The following GGNBP2 variants were observed in gnomAD, a reference collection of about 807,000 sequenced individuals.
GGNBP2 encodes gametogenetin-binding protein 2.
A neutral mutation model predicts 85.9 loss-of-function variants in GGNBP2; 10 were observed. The ratio of observed to expected loss-of-function variants is 0.12; its 90% CI spans 0.07 to 0.20. The LOEUF (loss-of-function observed/expected upper bound fraction) is 0.20, where lower values mean the gene tolerates loss of function less well. GGNBP2 is among the 10% of genes least tolerant of loss of function. GGNBP2 has a pLI of 1.00. For missense variants in GGNBP2, 595 were observed against 857.8 expected (o/e 0.69, Z 3.83); for synonymous variants, 287 against 285.7 (o/e 1.00, Z -0.05).
At chr17:36,581,845 G>T (rs542414716) in intron 9 of GGNBP2, 6 of 194,044 alleles carry the variant, frequency 3.1e-5, no homozygotes, top group African/African-American at 1.4e-4. Context: ...ATGTAAAATG[G>T]TGTAATATTT....
intron 2 of GGNBP2, 177 bp downstream of exon 2, chr17:36,545,994 C>G (rs2074250483): frequency 3.6e-6 from 2 of 550,524 alleles, no homozygotes; most frequent in Non-Finnish European, 6.6e-6. Context: ...TCGGTAACCT[C>G]TGTCGGCCCC....
intron 5 of GGNBP2, among the ~76,000 whole-genome samples, chr17:36,561,954 A>G (rs2074421426): frequency 6.6e-6 from 1 of 152,044 alleles, no homozygotes; most frequent in South Asian, 2.1e-4. Flanking sequence ...ATTGCCTGAT[A>G]ATAATTTGTA....
intron 8 of GGNBP2, among the ~76,000 whole-genome samples, chr17:36,580,073 G>T (rs1323888407): frequency 6.6e-6 from 1 of 151,994 alleles, no homozygotes; most frequent in African/African-American, 2.4e-5. Flanking sequence ...AAAGTTAAAT[G>T]CCCCCAAGGA....
chr17:36,571,279 T>C (rs1555606774), intron 6 of GGNBP2, among the ~76,000 whole-genome samples: 2 of 152,002 alleles, frequency 1.3e-5, no homozygotes, highest in Admixed American at 6.6e-5. Flanking sequence ...AGGCTGAGTG[T>C]GGTGGCTCAC....
At chr17:36,587,337 T>C (rs756432502) in intron 13 of GGNBP2, 92 bp downstream of exon 13, 123 of 1,301,404 alleles carry the variant, frequency 9.5e-5, no homozygotes, top group Non-Finnish European at 1.3e-4. Flanking sequence ...AGGTAGGTAG[T>C]TGAAGGAAGC....
chr17:36,563,110 AC>A (rs1440680369), intron 5 of GGNBP2, among the ~76,000 whole-genome samples: 2 of 151,804 alleles, frequency 1.3e-5, no homozygotes, highest in African/African-American at 2.4e-5. Context: ...TACTAAAAAT[AC>A]AAAAATTAGC....
chr17:36,568,774 T>G (rs979413722), intron 6 of GGNBP2, among the ~76,000 whole-genome samples: 1 of 152,066 alleles, frequency 6.6e-6, no homozygotes, highest in Non-Finnish European at 1.5e-5. Flanking sequence ...TTTTTTTTTT[T>G]GAGACGAAGT....
intron 4 of GGNBP2, among the ~76,000 whole-genome samples, chr17:36,557,668 A>G (rs1484096767): frequency 6.6e-6 from 1 of 152,190 alleles, no homozygotes; most frequent in Non-Finnish European, 1.5e-5. Context: ...GAGCAAGCAA[A>G]TCTTGTAGAA....
intron 8 of GGNBP2, among the ~76,000 whole-genome samples, chr17:36,580,482 G>A (rs1005552827): frequency 9.2e-5 from 14 of 151,790 alleles, no homozygotes; most frequent in Non-Finnish European, 1.9e-4. Flanking sequence ...AAAGTGCTGG[G>A]ATTACAGGCA....
Position 36,589,461 on chromosome 17 carries a change from C to T in GGNBP2, c.*50C>T, listed in dbSNP as rs1197723426. ...AATGAAACACTCACGATGACTACTG[C>T]GCCTTCTCTTTCGAAAAACTCTTAA... is the stretch of plus-strand genomic sequence containing the variant. On this transcript the variant is annotated 3_prime_UTR_variant, in exon 14 of 14. Transcript: ENST00000613102. 2.9e-6 allele frequency: 4 copies of T among 1,386,982 alleles called. No homozygotes were observed. The African/African-American group carries it at 4.3e-5, about 15-fold the overall frequency. 85.9% of individuals were successfully genotyped at this position (1,386,982 alleles called of 1,614,324 possible). A position where few individuals can be genotyped will look rare whatever the true frequency, so the allele number is the denominator to read the frequency against.
intron 5 of GGNBP2, among the ~76,000 whole-genome samples, chr17:36,561,578 C>T (rs188775771): frequency 1.0e-3 from 152 of 152,132 alleles, no homozygotes; most frequent in African/African-American, 3.4e-3. Context: ...GTAGTTATGA[C>T]GATATTATGA....
At chr17:36,579,533 T>A in intron 8 of GGNBP2, 114 bp downstream of exon 8, 1 of 840,806 alleles carries the variant, frequency 1.2e-6, no homozygotes, top group Non-Finnish European at 1.9e-6. Flanking sequence ...TAGAGCTTCA[T>A]GGATTTGGCT....
intron 8 of GGNBP2, among the ~76,000 whole-genome samples, chr17:36,581,005 C>T (rs1294113951): frequency 1.3e-5 from 2 of 151,866 alleles, no homozygotes; most frequent in African/African-American, 4.8e-5. Flanking sequence ...AACAAAGGGA[C>T]CGGGCACGGT....
At chr17:36,571,315 G>T (rs2074521991) in intron 6 of GGNBP2, among the ~76,000 whole-genome samples, 1 of 152,022 alleles carries the variant, frequency 6.6e-6, no homozygotes, top group African/African-American at 2.4e-5. Context: ...ACTTTGGGAG[G>T]CGGAGGTGGG....
rs188247573 is a variant in GGNBP2 at position 36,589,437 on chromosome 17, A to G, written c.*26A>G. 3.3e-4 allele frequency: 512 copies of G among 1,563,892 alleles called. No homozygotes were observed. Among genetic ancestry groups the G allele is most frequent in the Middle Eastern group, 1.7e-3 (10 of 5,972 alleles). ...ATAAATAAAATAGCTCTGTCTTTCA[A>G]TGAAACACTCACGATGACTACTGCG... On this transcript the variant is annotated 3_prime_UTR_variant, in exon 14 of 14. Transcript: ENST00000613102.
At chr17:36,561,220 T>A (rs534151535) in intron 5 of GGNBP2, among the ~76,000 whole-genome samples, 1 of 152,234 alleles carries the variant, frequency 6.6e-6, no homozygotes, top group East Asian at 1.9e-4. Flanking sequence ...ACCTCCCTGG[T>A]TCAAATGATT....
intron 6 of GGNBP2, among the ~76,000 whole-genome samples, chr17:36,575,892 C>T (rs1449172209): frequency 6.6e-6 from 1 of 150,666 alleles, no homozygotes; most frequent in Non-Finnish European, 1.5e-5. Flanking sequence ...GATGATCCAC[C>T]CGCCTTTGCC....
chr17:36,559,082 C>T (rs1011232096), intron 4 of GGNBP2, among the ~76,000 whole-genome samples: 1 of 151,658 alleles, frequency 6.6e-6, no homozygotes. Context: ...GGTGGATCAC[C>T]AGAGGTCAGG....
At chr17:36,567,518 C>T (rs1019665457) in intron 5 of GGNBP2, 145 bp from the exon 6 acceptor site, 5 of 581,080 alleles carry the variant, frequency 8.6e-6, no homozygotes, top group Admixed American at 3.2e-5. Context: ...ACAGGAAGGA[C>T]GGCAAGTATA....
Sources: allele counts gnomAD v4.1 joint callset (sites outside exome capture counted in the v4.1 genomes callset), GRCh38; gene constraint gnomAD v4.1.1; transcripts MANE v1.5; gene names NCBI Gene and HGNC (gene_info 2026-07-23, HGNC 2026-07-21).